Variants in AP3S2 observed in about 807,000 individuals in gnomAD.
The protein encoded by AP3S2 is AP-3 complex subunit sigma-2.
Under a neutral mutation model 23.4 loss-of-function variants are expected in AP3S2, and 22 were observed. The observed-to-expected ratio is 0.94, with a 90% CI of 0.67 to 1.34. The LOEUF is 1.34. Among genes scored for constraint, AP3S2 ranks in the 40% most tolerant of loss-of-function variants. AP3S2 has a pLI of 0.00. For synonymous variants in AP3S2, 86 were observed against 87.1 expected (o/e 0.99, Z 0.07); for missense variants, 241 against 236.9 (o/e 1.02, Z -0.11).
rs533336969 is a variant in AP3S2 at position 89,849,602 on chromosome 15, A to C, written c.346-11880T>G. Among the ~76,000 whole-genome samples the C allele has an allele frequency of 2.3e-4, 35 of 152,160 alleles. No homozygotes were observed. In the East Asian group the frequency reaches 4.4e-3, roughly 19 times the overall value. ...CAGGATGGTCTCGATCTCCTGACCT[A>C]GTGATCTGCCCACCTTGGCCTCCCA... On this transcript the variant is annotated intron_variant, in intron 4 of 5. Transcript: ENST00000336418.
intron 3 of AP3S2, among the ~76,000 whole-genome samples, chr15:89,881,558 G>A (rs1396939856): frequency 2.0e-5 from 3 of 152,262 alleles, no homozygotes; most frequent in South Asian, 2.1e-4. Context: ...GTGATAAAAT[G>A]CGCACCTTAG....
chr15:89,842,241 A>C (rs1443888877), intron 4 of AP3S2, among the ~76,000 whole-genome samples: 1 of 152,228 alleles, frequency 6.6e-6, no homozygotes, highest in East Asian at 1.9e-4. Flanking sequence ...AGAAATAGAG[A>C]AGAAACAGTT....
chr15:89,891,534 C>T (rs1245143486), intron 1 of AP3S2, among the ~76,000 whole-genome samples: 1 of 151,872 alleles, frequency 6.6e-6, no homozygotes, highest in Non-Finnish European at 1.5e-5. Context: ...TCGTGGGCAC[C>T]TGTAATCCTA....
At chr15:89,880,537 G>A (rs543123665) in intron 3 of AP3S2, among the ~76,000 whole-genome samples, 48 of 152,142 alleles carry the variant, frequency 3.2e-4, no homozygotes, top group African/African-American at 5.5e-4. Flanking sequence ...AGCCAGGTGC[G>A]GTGGTGGGCG....
At chr15:89,860,049 G>A (rs1938214256) in intron 4 of AP3S2, among the ~76,000 whole-genome samples, 2 of 152,148 alleles carry the variant, frequency 1.3e-5, no homozygotes, top group Admixed American at 6.5e-5. Flanking sequence ...ACAGGCATGA[G>A]CCATCATGAC....
intron 4 of AP3S2, among the ~76,000 whole-genome samples, chr15:89,868,952 G>A (rs1427263114): frequency 2.1e-5 from 3 of 144,152 alleles, no homozygotes; most frequent in African/African-American, 7.9e-5. Flanking sequence ...GAGGTGGGGG[G>A]GTCAGCCCCC....
At position 89,830,895 on chromosome 15, in the gene AP3S2, G is replaced by T. The variant is rs78333106; in HGVS notation, c.*4620C>A. ...TAGTGGGCCGAGGTCAACCGCCAGG[G>T]TCAAACGGAACACAACCCACTCTCA... On this transcript the variant is annotated 3_prime_UTR_variant, in exon 6 of 6. Coordinates refer to ENST00000336418, the MANE Select transcript of AP3S2 (RefSeq NM_005829.5). 0.011 allele frequency: 1,621 copies of T among 152,086 alleles called. 77 individuals carry two copies. In the East Asian group the frequency reaches 0.12, roughly 11 times the overall value. The allele number at this position is 152,086 out of a possible 1,614,324, so 9.4% of individuals were successfully genotyped here. A position where few individuals can be genotyped will look rare whatever the true frequency, so the allele number is the denominator to read the frequency against.
intron 5 of AP3S2, among the ~76,000 whole-genome samples, chr15:89,836,769 G>T (rs569850054): frequency 6.6e-6 from 1 of 152,066 alleles, no homozygotes; most frequent in East Asian, 1.9e-4. Context: ...ACTATTCCTG[G>T]AATCTTCCCA....
At chr15:89,883,004 T>G (rs1042651187) in intron 3 of AP3S2, among the ~76,000 whole-genome samples, 2 of 152,222 alleles carry the variant, frequency 1.3e-5, no homozygotes, top group Non-Finnish European at 2.9e-5. Flanking sequence ...ACGGGAGAGT[T>G]TGTAGCTCCA....
chr15:89,871,409 A>C, intron 4 of AP3S2, 66 bp downstream of exon 4: 8 of 1,483,590 alleles, frequency 5.4e-6, no homozygotes, highest in Non-Finnish European at 6.4e-6. Flanking sequence ...AGAGGTGGCT[A>C]CAGATGCCCA....
intron 1 of AP3S2, among the ~76,000 whole-genome samples, chr15:89,890,120 A>G (rs1896786635): frequency 6.6e-6 from 1 of 152,148 alleles, no homozygotes; most frequent in Non-Finnish European, 1.5e-5. Context: ...GTGTGATCAC[A>G]GCTCATTGCA....
chr15:89,877,390 T>C, intron 3 of AP3S2: 7 of 1,291,198 alleles, frequency 5.4e-6, no homozygotes, highest in Non-Finnish European at 6.1e-6. Flanking sequence ...TTGTAGGGTG[T>C]TGCACTGGCT....
intron 4 of AP3S2, among the ~76,000 whole-genome samples, chr15:89,853,468 G>C (rs541260951): frequency 9.2e-5 from 14 of 152,312 alleles, no homozygotes; most frequent in Non-Finnish European, 1.5e-4. Flanking sequence ...ATCTTGATTT[G>C]AGATGTTAAA....
chr15:89,861,119 T>C (rs1896000764), intron 4 of AP3S2, among the ~76,000 whole-genome samples: 1 of 152,186 alleles, frequency 6.6e-6, no homozygotes, highest in Admixed American at 6.5e-5. Context: ...AACCCAATAT[T>C]ACTGTTTATG....
chr15:89,885,735 T>C (rs1896683020), intron 3 of AP3S2, among the ~76,000 whole-genome samples: 1 of 150,872 alleles, frequency 6.6e-6, no homozygotes, highest in Admixed American at 6.6e-5. Context: ...TGAGCTGAGA[T>C]GTTCGAGACC....
At chr15:89,844,207 TTCTCTTTCTTTC>T (rs1895408801) in intron 4 of AP3S2, among the ~76,000 whole-genome samples, 1 of 128,656 alleles carries the variant, frequency 7.8e-6, no homozygotes, top group African/African-American at 2.6e-5. Flanking sequence ...CTTTCTTTCT[TTCTCTTTCTTTC>T]TTTCTTTCTT....
At chr15:89,835,692 G>A in intron 5 of AP3S2, 49 bp from the exon 6 acceptor site, 3 of 1,139,226 alleles carry the variant, frequency 2.6e-6, no homozygotes, top group Non-Finnish European at 3.6e-6. Context: ...ACTGTTATCT[G>A]CTTAATGCTA....
chr15:89,885,833 C>T (rs530988326), intron 3 of AP3S2, among the ~76,000 whole-genome samples: 62 of 149,560 alleles, frequency 4.1e-4, no homozygotes, highest in Middle Eastern at 3.6e-3. Flanking sequence ...CCCCATTACT[C>T]AGGAGACTGA....
At chr15:89,888,020 T>G (rs2141902198) in intron 3 of AP3S2, among the ~76,000 whole-genome samples, 1 of 152,374 alleles carries the variant, frequency 6.6e-6, no homozygotes, top group Admixed American at 6.5e-5. Context: ...TGGCCTGTTG[T>G]AAGCATTTAA....
Sources: allele counts gnomAD v4.1 joint callset (sites outside exome capture counted in the v4.1 genomes callset), GRCh38; gene constraint gnomAD v4.1.1; transcripts MANE v1.5; gene names NCBI Gene and HGNC (gene_info 2026-07-23, HGNC 2026-07-21).